The following CPNE4 variants were observed in gnomAD, a reference collection of about 807,000 sequenced individuals.
The protein encoded by CPNE4 is copine 4.
Under a neutral mutation model 67.9 loss-of-function variants are expected in CPNE4, and 25 were observed. The ratio of observed to expected loss-of-function variants is 0.37; its 90% confidence interval spans 0.27 to 0.51. The LOEUF is 0.51. Among genes scored for constraint, CPNE4 ranks in the 20% least tolerant of loss-of-function variants. The pLI, the probability that CPNE4 is intolerant of heterozygous loss-of-function variation, is 0.93. For synonymous variants in CPNE4, 242 were observed against 244.9 expected (o/e 0.99, Z 0.11); for missense variants, 464 against 690.8 (o/e 0.67, Z 3.68).
At chr3:131,651,149 A>G (rs1391937576) in intron 7 of CPNE4, among the ~76,000 whole-genome samples, 6 of 152,198 alleles carry the variant, frequency 3.9e-5, no homozygotes, top group African/African-American at 1.4e-4. Flanking sequence ...TTCTGACTTC[A>G]GACTCAGAAA....
chr3:131,666,019 T>C (rs1011490036), intron 7 of CPNE4, among the ~76,000 whole-genome samples: 3 of 152,102 alleles, frequency 2.0e-5, no homozygotes, highest in Non-Finnish European at 4.4e-5. Flanking sequence ...ATAAGTTGTT[T>C]ATAAAGCTCA....
chr3:131,800,378 ACAG>A (rs950205200), intron 2 of CPNE4, among the ~76,000 whole-genome samples: 3 of 152,182 alleles, frequency 2.0e-5, no homozygotes, highest in African/African-American at 7.2e-5. Context: ...CTTCTTGAAG[ACAG>A]CTTAGAAACC....
chr3:131,708,957 GATATATATAT>G (rs202119937), intron 3 of CPNE4, among the ~76,000 whole-genome samples: 1,528 of 65,834 alleles, frequency 0.023, 85 homozygotes, highest in African/African-American at 0.062. Context: ...AGGGCATAAA[GATATATATAT>G]ATATATATAT....
At chr3:131,808,477 C>G (rs1303026687) in intron 2 of CPNE4, among the ~76,000 whole-genome samples, 2 of 151,012 alleles carry the variant, frequency 1.3e-5, no homozygotes, top group African/African-American at 2.4e-5. Flanking sequence ...TCAGTGAACT[C>G]AAAAATCAAT....
chr3:131,981,453 C>A (rs959551844), intron 1 of CPNE4, among the ~76,000 whole-genome samples: 3 of 152,004 alleles, frequency 2.0e-5, no homozygotes, highest in African/African-American at 7.3e-5. Flanking sequence ...CTGAGTCACG[C>A]AGGTTGTCAG....
At chr3:131,564,496 T>G in intron 10 of CPNE4, 147 bp from the exon 11 acceptor site, 2 of 770,654 alleles carry the variant, frequency 2.6e-6, no homozygotes, top group Middle Eastern at 7.7e-4. Flanking sequence ...TAAACTAATT[T>G]GCTTGAAAAA....
intron 7 of CPNE4, among the ~76,000 whole-genome samples, chr3:131,610,820 TG>T (rs1939793845): frequency 1.3e-5 from 2 of 152,262 alleles, no homozygotes; most frequent in South Asian, 4.1e-4. Flanking sequence ...TTGGAAGACA[TG>T]CCATCTAAAA....
chr3:131,868,374 A>G (rs1206882178), intron 2 of CPNE4, among the ~76,000 whole-genome samples: 1 of 152,206 alleles, frequency 6.6e-6, no homozygotes, highest in Non-Finnish European at 1.5e-5. Flanking sequence ...TCTGGCTGAA[A>G]TGCAGACTGA....
chr3:131,609,591 GA>G (rs1403322282), intron 7 of CPNE4, among the ~76,000 whole-genome samples: 1 of 152,038 alleles, frequency 6.6e-6, no homozygotes, highest in Non-Finnish European at 1.5e-5. Flanking sequence ...TTTTGACTAA[GA>G]AACACATCTT....
intron 2 of CPNE4, among the ~76,000 whole-genome samples, chr3:131,804,424 C>G (rs2084238505): frequency 6.6e-6 from 1 of 151,992 alleles, no homozygotes; most frequent in African/African-American, 2.4e-5. Flanking sequence ...ATGACTCGAG[C>G]CTTGTGAATA....
chr3:131,828,386 C>T (rs1211719895), intron 2 of CPNE4, among the ~76,000 whole-genome samples: 2 of 152,098 alleles, frequency 1.3e-5, no homozygotes, highest in Admixed American at 1.3e-4. Context: ...TAGAATCATA[C>T]AGTATGTACC....
chr3:131,869,859 T>C (rs2087119606), intron 2 of CPNE4, among the ~76,000 whole-genome samples: 1 of 152,188 alleles, frequency 6.6e-6, no homozygotes, highest in Admixed American at 6.6e-5. Flanking sequence ...GCACTGTAAG[T>C]ACCACAAAAG....
At chr3:131,565,500 T>C (rs2107667038) in intron 10 of CPNE4, among the ~76,000 whole-genome samples, 1 of 152,144 alleles carries the variant, frequency 6.6e-6, no homozygotes, top group South Asian at 2.1e-4. Context: ...AGAGAACACA[T>C]GCCACGTGTG....
chr3:131,872,056 G>A (rs2087232725), intron 2 of CPNE4, among the ~76,000 whole-genome samples: 1 of 152,106 alleles, frequency 6.6e-6, no homozygotes, highest in Non-Finnish European at 1.5e-5. Context: ...CCTTGACCTG[G>A]GTGGACCTTT....
intron 10 of CPNE4, among the ~76,000 whole-genome samples, chr3:131,566,483 C>T (rs754853547): frequency 3.3e-5 from 5 of 150,866 alleles, no homozygotes; most frequent in Admixed American, 6.6e-5. Flanking sequence ...TCAAGGACTA[C>T]GATGAAAAGC....
At chr3:131,932,835 T>C (rs991714541) in intron 1 of CPNE4, among the ~76,000 whole-genome samples, 4 of 152,014 alleles carry the variant, frequency 2.6e-5, no homozygotes, top group Admixed American at 2.6e-4. Flanking sequence ...CTGGCCAACA[T>C]GGTGAAATAC....
intron 7 of CPNE4, among the ~76,000 whole-genome samples, chr3:131,590,397 C>T (rs988526161): frequency 3.3e-5 from 5 of 152,114 alleles, no homozygotes; most frequent in African/African-American, 1.2e-4. Flanking sequence ...GTTCTGCCAA[C>T]CTGAGTCCCT....
intron 1 of CPNE4, among the ~76,000 whole-genome samples, chr3:132,021,930 G>A (rs955584504): frequency 6.6e-6 from 1 of 152,096 alleles, no homozygotes; most frequent in African/African-American, 2.4e-5. Context: ...TAGAAGTTTC[G>A]ATCTAAGTAA....
At chr3:131,654,834 A>G (rs2079910694) in intron 7 of CPNE4, among the ~76,000 whole-genome samples, 1 of 152,176 alleles carries the variant, frequency 6.6e-6, no homozygotes, top group African/African-American at 2.4e-5. Context: ...GGGCAGTGCC[A>G]CTTGCAACTA....
Sources: allele counts gnomAD v4.1 joint callset (sites outside exome capture counted in the v4.1 genomes callset), GRCh38; gene constraint gnomAD v4.1.1; transcripts MANE v1.5; gene names NCBI Gene and HGNC (gene_info 2026-07-23, HGNC 2026-07-21).